CDKN2C: variants seen among roughly 807,000 people sequenced by gnomAD.
The protein encoded by CDKN2C is cyclin-dependent kinase 4 inhibitor C.
Under a neutral mutation model 11.0 loss-of-function variants are expected in CDKN2C, and 5 were observed. The observed-to-expected ratio is 0.45, with a 90% CI of 0.24 to 0.95. The LOEUF (loss-of-function observed/expected upper bound fraction) is 0.95. CDKN2C is among the 40% of genes least tolerant of loss of function. The pLI is 0.21. For missense variants in CDKN2C, 161 were observed against 211.9 expected (o/e 0.76, Z 1.49); for synonymous variants, 79 against 88.3 (o/e 0.89, Z 0.59).
chr1:50,968,092 G>A (rs1295189098), upstream of CDKN2C: 6 of 152,316 alleles, frequency 3.9e-5, no homozygotes, highest in African/African-American at 1.4e-4. Context: ...CTCCACCCCC[G>A]CGGCCACCCC....
At chr1:50,963,857 T>C (rs1645335791) in intron 1 of CDKN2C, among the ~76,000 whole-genome samples, 1 of 152,276 alleles carries the variant, frequency 6.6e-6, no homozygotes, top group South Asian at 2.1e-4. Context: ...GTAATTTTAA[T>C]TTATCTATTC....
upstream of CDKN2C, among the ~76,000 whole-genome samples, chr1:50,966,836 T>C (rs1357848416): frequency 6.6e-6 from 1 of 152,222 alleles, no homozygotes; most frequent in African/African-American, 2.4e-5. Context: ...GTTGGACTTT[T>C]TTACTGTTAT....
upstream of CDKN2C, chr1:50,970,123 T>TA (rs1213756190): frequency 1.1e-5 from 6 of 554,426 alleles, no homozygotes; most frequent in Non-Finnish European, 1.9e-5. Context: ...GGGGTTAAGC[T>TA]AAAAAAGCGA....
At chr1:50,967,024 G>T (rs1402952176), upstream of CDKN2C, among the ~76,000 whole-genome samples, 1 of 152,084 alleles carries the variant, frequency 6.6e-6, no homozygotes, top group African/African-American at 2.4e-5. Flanking sequence ...GAAAATTATA[G>T]TACGTTTACC....
At chr1:50,971,761 G>A (rs1304327034) in intron 1 of CDKN2C, among the ~76,000 whole-genome samples, 3 of 152,060 alleles carry the variant, frequency 2.0e-5, no homozygotes, top group East Asian at 3.8e-4. Context: ...GATTTTTGAC[G>A]AACAGGAAGA....
chr1:50,968,754 AAG>A (rs1444828511), upstream of CDKN2C: 1 of 152,170 alleles, frequency 6.6e-6, no homozygotes, highest in Admixed American at 6.5e-5. Context: ...TCAACTCAAA[AAG>A]CGCTCAATTT....
At chr1:50,967,619 C>A (rs1645353616), upstream of CDKN2C, among the ~76,000 whole-genome samples, 1 of 152,170 alleles carries the variant, frequency 6.6e-6, no homozygotes, top group Admixed American at 6.5e-5. Flanking sequence ...TCATTTTGAC[C>A]ACTGGGTGCA....
At chr1:50,968,139 C>T, upstream of CDKN2C, 1 of 276 alleles carries the variant, frequency 3.6e-3, no homozygotes, top group Non-Finnish European at 4.6e-3. Flanking sequence ...CTGGCAGGTG[C>T]GAGGCCGAGG....
At chr1:50,963,179 A>G (rs1159183900) in intron 1 of CDKN2C, among the ~76,000 whole-genome samples, 1 of 152,170 alleles carries the variant, frequency 6.6e-6, no homozygotes, top group Non-Finnish European at 1.5e-5. Flanking sequence ...TATCTTTACA[A>G]CACAACTTAG....
chr1:50,965,380 C>A (rs1645343366), upstream of CDKN2C, among the ~76,000 whole-genome samples: 1 of 151,914 alleles, frequency 6.6e-6, no homozygotes, highest in Admixed American at 6.6e-5. Flanking sequence ...CGCCTGTAAT[C>A]CCAGCTACTC....
chr1:50,970,003 C>G (rs1645371056), upstream of CDKN2C: 3 of 406,830 alleles, frequency 7.4e-6, no homozygotes, highest in Non-Finnish European at 1.4e-5. Flanking sequence ...TCACAGAGAT[C>G]TGTAGCGTAG....
chr1:50,963,792 A>G (rs1001654522), intron 1 of CDKN2C, among the ~76,000 whole-genome samples: 3 of 152,228 alleles, frequency 2.0e-5, no homozygotes, highest in Non-Finnish European at 2.9e-5. Flanking sequence ...GTTAAGTGTC[A>G]TAAACCAAAA....
Position 50,970,339 on chromosome 1 carries a change from A to G in CDKN2C, c.-30A>G. On this transcript the variant is annotated 5_prime_UTR_variant, in exon 1 of 2. Coordinates refer to ENST00000371761, the MANE Select transcript of CDKN2C (RefSeq NM_078626.3). ...GGGGAAAAAGAAAAACGACTAATTCATCTTTTCCTGATCGTCAGGACCCTA... is the reference window on the plus strand; with the variant it reads ...GGGGAAAAAGAAAAACGACTAATTCGTCTTTTCCTGATCGTCAGGACCCTA... 1.2e-6 allele frequency: 2 copies of G among 1,613,582 alleles called. No homozygotes were observed. The highest frequency in any genetic ancestry group is 1.1e-5 in the South Asian group (1 of 91,054).
Position 50,974,327 on chromosome 1 carries a change from CCTGA to C in CDKN2C, c.*60_*63del. The C allele has an allele frequency of 6.7e-7, 1 of 1,483,500 alleles. No homozygotes were observed. Among genetic ancestry groups the C allele is most frequent in the South Asian group, 1.4e-5 (1 of 72,704 alleles). 91.9% of individuals were successfully genotyped at this position (1,483,500 alleles called of 1,614,324 possible). ...CTTTATCAATTAACTGAGTAGCTCT[CCTGA>C]CTTTTAATGTCATTTGTTAAAATAC... On this transcript the variant is annotated 3_prime_UTR_variant, in exon 2 of 2. Transcript: ENST00000371761.
chr1:50,970,291 A>T lies in CDKN2C; in HGVS notation c.-78A>T. On this transcript the variant is annotated 5_prime_UTR_variant, in exon 1 of 2. Coordinates refer to ENST00000371761, the MANE Select transcript of CDKN2C (RefSeq NM_078626.3). Reference sequence around the variant, plus strand: ...CTGTCAGTCTCCGATGCCATCATGCAGCCTGGTTAGGAGCAAAGGAAAGGG... The same window carrying T: ...CTGTCAGTCTCCGATGCCATCATGCTGCCTGGTTAGGAGCAAAGGAAAGGG... The T allele has an allele frequency of 6.4e-7, 1 of 1,571,926 alleles. No homozygotes were observed. Among genetic ancestry groups the T allele is most frequent in the Admixed American group, 1.7e-5 (1 of 58,786 alleles).
chr1:50,968,188 C>CG (rs2124776966), upstream of CDKN2C: 1 of 744 alleles, frequency 1.3e-3, no homozygotes, highest in African/African-American at 0.015. Context: ...ACAGAGCGCG[C>CG]GCGCCTAGAG....
chr1:50,973,532 T>C (rs1250723055), intron 1 of CDKN2C, among the ~76,000 whole-genome samples: 1 of 152,242 alleles, frequency 6.6e-6, no homozygotes, highest in Non-Finnish European at 1.5e-5. Flanking sequence ...AAATCCCAAA[T>C]TCCATTTCTG....
At chr1:50,965,451 C>T (rs1365358946), upstream of CDKN2C, among the ~76,000 whole-genome samples, 4 of 151,892 alleles carry the variant, frequency 2.6e-5, no homozygotes, top group African/African-American at 7.3e-5. Flanking sequence ...GAGCCGGGAT[C>T]GCGCCACTGC....
At chr1:50,971,069 G>A (rs1203122224) in intron 1 of CDKN2C, among the ~76,000 whole-genome samples, 1 of 152,184 alleles carries the variant, frequency 6.6e-6, no homozygotes, top group East Asian at 1.9e-4. Context: ...CAGGAGTCGG[G>A]AGGAATAAAA....
Sources: allele counts gnomAD v4.1 joint callset (sites outside exome capture counted in the v4.1 genomes callset), GRCh38; gene constraint gnomAD v4.1.1; transcripts MANE v1.5; gene names NCBI Gene and HGNC (gene_info 2026-07-23, HGNC 2026-07-21).